CHN1: variants seen among roughly 807,000 people sequenced by gnomAD.
CHN1 encodes N-chimaerin.
CHN1 carries 37 observed loss-of-function variants against 59.5 expected under a neutral mutation model. That is an observed-to-expected ratio of 0.62 (90% CI 0.48 to 0.82). The LOEUF is 0.82. Among genes scored for constraint, CHN1 ranks in the 40% least tolerant of loss-of-function variants. The pLI is 0.00. For synonymous variants in CHN1, 206 were observed against 200.4 expected (o/e 1.03, Z -0.24); for missense variants, 469 against 571.0 (o/e 0.82, Z 1.82).
intron 6 of CHN1, among the ~76,000 whole-genome samples, chr2:174,876,875 CATT>C (rs1253702556): frequency 1.3e-5 from 2 of 152,122 alleles, no homozygotes; most frequent in South Asian, 2.1e-4. Context: ...GCAATTTGAC[CATT>C]ATTACAATTT....
At chr2:174,953,791 G>A (rs1009177737) in intron 1 of CHN1, among the ~76,000 whole-genome samples, 9 of 152,164 alleles carry the variant, frequency 5.9e-5, no homozygotes, top group Non-Finnish European at 1.0e-4. Context: ...AGAAATCATA[G>A]ATGAAACAAA....
chr2:174,987,972 C>T (rs956468889), intron 1 of CHN1, among the ~76,000 whole-genome samples: 8 of 151,624 alleles, frequency 5.3e-5, no homozygotes, highest in Non-Finnish European at 1.2e-4. Context: ...CTGAGAAAGA[C>T]CAAAAAAAAC....
intron 1 of CHN1, among the ~76,000 whole-genome samples, chr2:175,004,141 G>A (rs1274794294): frequency 1.3e-5 from 2 of 152,098 alleles, no homozygotes; most frequent in East Asian, 3.8e-4. Flanking sequence ...TACCATAGTC[G>A]TTTTGTAAAA....
intron 3 of CHN1, among the ~76,000 whole-genome samples, chr2:174,919,763 AC>A (rs1345221888): frequency 1.3e-5 from 2 of 150,772 alleles, no homozygotes; most frequent in African/African-American, 2.5e-5. Flanking sequence ...TACTTCACAT[AC>A]TTTTTTTTTT....
chr2:174,915,077 T>C lies in CHN1; in HGVS notation c.241A>G (p.Thr81Ala), dbSNP rs201101396. 3.9e-4 allele frequency: 632 copies of C among 1,611,004 alleles called. No individual in the cohort carries two copies. The highest frequency in any genetic ancestry group is 4.0e-4 in the Non-Finnish European group (470 of 1,178,636). ...ACCAACCTTAAAGCCAAAGTGTAGGTCCCTGGCTGCCGCTGGCTCTCCCGG... is the reference window on the plus strand; with the variant it reads ...ACCAACCTTAAAGCCAAAGTGTAGGCCCCTGGCTGCCGCTGGCTCTCCCGG... ...LIRESQRQPG[T>A]YTLALRFGSQ... The change falls in exon 5 of 13, where the codon ACC (threonine) becomes GCC (alanine). Residue 81 changes from threonine (T) to alanine (A), a missense_variant. Transcript: ENST00000409900.
chr2:174,939,841 T>C (rs112893090), intron 3 of CHN1, among the ~76,000 whole-genome samples: 119 of 152,240 alleles, frequency 7.8e-4, no homozygotes, highest in African/African-American at 2.7e-3. Context: ...TCTACATATA[T>C]CTAAACTGCA....
At chr2:174,804,575 T>G (rs1174091871) in intron 11 of CHN1, among the ~76,000 whole-genome samples, 1 of 152,196 alleles carries the variant, frequency 6.6e-6, no homozygotes, top group African/African-American at 2.4e-5. Context: ...GACAGTAGCT[T>G]GGACCAGGGG....
intron 5 of CHN1, among the ~76,000 whole-genome samples, chr2:174,896,971 T>C (rs544548990): frequency 1.8e-4 from 28 of 152,126 alleles, no homozygotes; most frequent in Admixed American, 3.9e-4. Flanking sequence ...TTTAGTGAAA[T>C]AGCTTATAAT....
At chr2:174,994,276 A>G (rs1691636046) in intron 1 of CHN1, among the ~76,000 whole-genome samples, 1 of 152,230 alleles carries the variant, frequency 6.6e-6, no homozygotes, top group South Asian at 2.1e-4. Flanking sequence ...TGGGGAATCC[A>G]TATTAGAATA....
intron 7 of CHN1, among the ~76,000 whole-genome samples, chr2:174,842,058 ACT>A (rs771748805): frequency 5.3e-5 from 8 of 152,052 alleles, no homozygotes; most frequent in Non-Finnish European, 8.8e-5. Context: ...CCAATAGAAG[ACT>A]CTATTTTTGT....
At chr2:174,888,453 T>C (rs183327779) in intron 5 of CHN1, among the ~76,000 whole-genome samples, 38 of 152,144 alleles carry the variant, frequency 2.5e-4, no homozygotes, top group Non-Finnish European at 5.0e-4. Flanking sequence ...CATAGATCTG[T>C]TCTACTATAC....
intron 12 of CHN1, among the ~76,000 whole-genome samples, chr2:174,800,680 GT>G (rs1684691219): frequency 6.6e-6 from 1 of 152,218 alleles, no homozygotes; most frequent in Non-Finnish European, 1.5e-5. Context: ...CTATGGAGTA[GT>G]TTTGCAAGTA....
intron 7 of CHN1, among the ~76,000 whole-genome samples, chr2:174,829,643 A>G (rs1685803643): frequency 5.3e-5 from 8 of 152,210 alleles, no homozygotes. Flanking sequence ...GCATGCCTGC[A>G]AAGCTTGCTG....
chr2:174,884,315 G>C (rs911083976), intron 5 of CHN1, among the ~76,000 whole-genome samples: 3 of 151,848 alleles, frequency 2.0e-5, no homozygotes, highest in African/African-American at 7.3e-5. Context: ...CAAAATGGAA[G>C]GGAAAGGAAT....
chr2:174,985,479 AAAT>A (rs1691309337), intron 1 of CHN1, among the ~76,000 whole-genome samples: 2 of 151,942 alleles, frequency 1.3e-5, no homozygotes, highest in Non-Finnish European at 2.9e-5. Context: ...TCTTGTTTTT[AAAT>A]AAAAAATAAC....
At chr2:174,892,787 G>A (rs183072867) in intron 5 of CHN1, among the ~76,000 whole-genome samples, 7 of 152,162 alleles carry the variant, frequency 4.6e-5, no homozygotes, top group African/African-American at 9.6e-5. Context: ...AATTTACCCC[G>A]GGGATGCAAG....
At chr2:174,976,230 A>G (rs1367339034) in intron 1 of CHN1, among the ~76,000 whole-genome samples, 2 of 151,072 alleles carry the variant, frequency 1.3e-5, no homozygotes, top group Non-Finnish European at 2.9e-5. Context: ...TCCTTTTATT[A>G]CATCTGTAAA....
intron 6 of CHN1, among the ~76,000 whole-genome samples, chr2:174,856,138 T>A (rs1158325903): frequency 6.6e-6 from 1 of 152,192 alleles, no homozygotes; most frequent in African/African-American, 2.4e-5. Flanking sequence ...AATTTTCAAA[T>A]GTATTTTAAG....
At chr2:174,827,434 G>A (rs1056149788) in intron 7 of CHN1, among the ~76,000 whole-genome samples, 1 of 152,272 alleles carries the variant, frequency 6.6e-6, no homozygotes, top group South Asian at 2.1e-4. Flanking sequence ...TCAAAGACAC[G>A]AGGCATGAGA....
Sources: gnomAD v4.1 joint callset for allele counts (sites outside exome capture counted in the v4.1 genomes callset) on GRCh38, gnomAD v4.1.1 for gene constraint, MANE v1.5 for transcripts, NCBI Gene and HGNC (gene_info 2026-07-23, HGNC 2026-07-21) for gene names.